FMN1: variants seen among roughly 807,000 people sequenced by gnomAD.
FMN1 encodes the protein formin-1.
A neutral mutation model predicts 132.4 loss-of-function variants in FMN1; 110 were observed. The ratio of observed to expected loss-of-function variants is 0.83; its 90% CI spans 0.71 to 0.97. FMN1 has a LOEUF of 0.97. Ranked by LOEUF, FMN1 falls within the 50% of genes least tolerant of loss-of-function variation. The pLI is 0.00. For synonymous variants in FMN1, 722 were observed against 651.7 expected (o/e 1.11, Z -1.64); for missense variants, 1,792 against 1,705.3 (o/e 1.05, Z -0.90).
chr15:33,006,161 A>G (rs866724219), intron 7 of FMN1, among the ~76,000 whole-genome samples: 30 of 152,222 alleles, frequency 2.0e-4, no homozygotes, highest in African/African-American at 6.8e-4. Context: ...TAAGGGGTTA[A>G]TATACAAAAA....
chr15:33,054,077 G>T (rs1217096348), intron 6 of FMN1, among the ~76,000 whole-genome samples: 1 of 152,098 alleles, frequency 6.6e-6, no homozygotes. Context: ...ACCTTCCGGT[G>T]TCCAACCCCC....
chr15:32,931,332 T>C (rs8033449), intron 9 of FMN1, among the ~76,000 whole-genome samples: 3,799 of 152,328 alleles, frequency 0.025, 67 homozygotes, highest in Non-Finnish European at 0.034. Flanking sequence ...ACATGAGATG[T>C]CTTTACAGTT....
intron 10 of FMN1, among the ~76,000 whole-genome samples, chr15:32,912,988 T>C (rs934902128): frequency 2.0e-5 from 3 of 152,232 alleles, no homozygotes; most frequent in African/African-American, 7.2e-5. Context: ...GTTTTAATGC[T>C]TGTTAATGCC....
chr15:33,051,210 C>T (rs1256956146), intron 6 of FMN1, among the ~76,000 whole-genome samples: 1 of 152,128 alleles, frequency 6.6e-6, no homozygotes, highest in African/African-American at 2.4e-5. Context: ...GGATTTTTTA[C>T]ACTGCTTCCT....
At chr15:32,921,726 G>A (rs925049541) in intron 10 of FMN1, among the ~76,000 whole-genome samples, 1 of 149,308 alleles carries the variant, frequency 6.7e-6, no homozygotes. Context: ...GCCCAGGCTG[G>A]AGTACAGTGG....
At chr15:32,834,817 C>A (rs2058585485) in intron 17 of FMN1, among the ~76,000 whole-genome samples, 1 of 152,192 alleles carries the variant, frequency 6.6e-6, no homozygotes, top group African/African-American at 2.4e-5. Context: ...AGGGGAGAAG[C>A]CCTAGTTCCC....
In FMN1 at chr15:32,774,257, T is replaced by C; in HGVS notation, c.*53A>G. On this transcript the variant is annotated 3_prime_UTR_variant, in exon 21 of 21. Coordinates refer to ENST00000616417, the MANE Select transcript of FMN1 (RefSeq NM_001277313.2). ...CCTGCAACCCTGTGGTCACAAAGAG[T>C]ATGCGTGCAAGGTCCTCCACCTCCA... The C allele has an allele frequency of 7.4e-7, 1 of 1,358,562 alleles. No individual in the cohort carries two copies. The highest frequency in any genetic ancestry group is 1.0e-6 in the Non-Finnish European group (1 of 961,916). The allele number at this position is 1,358,562 out of a possible 1,614,324, so 84.2% of individuals were successfully genotyped here.
chr15:33,081,871 C>G (rs1227041248), intron 5 of FMN1, among the ~76,000 whole-genome samples: 1 of 152,122 alleles, frequency 6.6e-6, no homozygotes, highest in Non-Finnish European at 1.5e-5. Flanking sequence ...GTAATTACAT[C>G]CAGGTTCATA....
intron 8 of FMN1, among the ~76,000 whole-genome samples, chr15:32,964,741 A>G (rs2140612037): frequency 6.6e-6 from 1 of 152,352 alleles, no homozygotes; most frequent in South Asian, 2.1e-4. Context: ...TTTTAAATAC[A>G]GTTTTTAGGA....
intron 6 of FMN1, among the ~76,000 whole-genome samples, chr15:33,023,413 T>C (rs1320295938): frequency 6.6e-6 from 1 of 152,146 alleles, no homozygotes. Flanking sequence ...TATGAAAATA[T>C]TTTAGTAATG....
In FMN1 at chr15:32,963,445, T is replaced by C. The variant is rs368512414; in HGVS notation, c.3138+662A>G. Among the ~76,000 whole-genome samples the C allele has an allele frequency of 2.6e-5, 4 of 151,930 alleles. 1 individual carries two copies. The East Asian group carries it at 5.8e-4, about 22-fold the overall frequency. ...CACCAGCATGGCACATGTATACATA[T>C]GTAACTAACCTGCACATTGTGCACA... On this transcript the variant is annotated intron_variant, in intron 9 of 20. Coordinates refer to ENST00000616417, the MANE Select transcript of FMN1 (RefSeq NM_001277313.2).
At chr15:32,986,168 T>C (rs975654798) in intron 7 of FMN1, among the ~76,000 whole-genome samples, 5 of 152,138 alleles carry the variant, frequency 3.3e-5, no homozygotes, top group Non-Finnish European at 7.4e-5. Flanking sequence ...TATCCAGTTA[T>C]GGATCTATCC....
chr15:32,804,999 G>A (rs2141010673), intron 17 of FMN1, among the ~76,000 whole-genome samples: 1 of 152,294 alleles, frequency 6.6e-6, no homozygotes, highest in East Asian at 1.9e-4. Context: ...ATAGTAGCAT[G>A]ATTTATAATC....
At chr15:32,962,701 T>C (rs2030717505) in intron 9 of FMN1, among the ~76,000 whole-genome samples, 3 of 148,544 alleles carry the variant, frequency 2.0e-5, no homozygotes, top group Admixed American at 2.0e-4. Flanking sequence ...CAGACACTTC[T>C]CAAAAGAAGA....
At chr15:33,120,355 A>T (rs998089603) in intron 4 of FMN1, among the ~76,000 whole-genome samples, 3 of 152,104 alleles carry the variant, frequency 2.0e-5, no homozygotes, top group Non-Finnish European at 4.4e-5. Context: ...GGCCATCATC[A>T]TCTTCCAGGT....
rs765387400 is a variant in FMN1, at chr15:32,898,852, G to A, written c.3696C>T (p.Tyr1232=). Residue 1232 remains tyrosine (Y), a synonymous_variant, in exon 15 of 21, where the codon TAC becomes TAT. Transcript: ENST00000616417. ...TTCTTACCTGATCATAGTAACGCAGGTAATACTTAACAACGTAGTCCACCA... is the reference window on the plus strand; with the variant it reads ...TTCTTACCTGATCATAGTAACGCAGATAATACTTAACAACGTAGTCCACCA... ...INLVDYVVKY[Y]LRYYDQEAGT... 3.1e-6 allele frequency: 5 copies of A among 1,601,166 alleles called. No homozygotes were observed. The highest frequency in any genetic ancestry group is 4.3e-6 in the Non-Finnish European group (5 of 1,169,490).
intron 16 of FMN1, among the ~76,000 whole-genome samples, chr15:32,872,265 T>C (rs1207200635): frequency 2.6e-5 from 4 of 152,194 alleles, no homozygotes; most frequent in African/African-American, 7.2e-5. Context: ...GGACATACGA[T>C]TGCAATTCAA....
intron 9 of FMN1, among the ~76,000 whole-genome samples, chr15:32,960,668 A>G (rs2030408814): frequency 6.6e-6 from 1 of 152,098 alleles, no homozygotes; most frequent in Non-Finnish European, 1.5e-5. Flanking sequence ...TTACTTGAGA[A>G]ATGAACTGAT....
chr15:33,066,481 TG>T (rs762682882), intron 5 of FMN1: 8 of 1,455,138 alleles, frequency 5.5e-6, no homozygotes, highest in Middle Eastern at 1.8e-4. Context: ...CCATATTTTA[TG>T]TTAAAATGCA....
Sources: allele counts gnomAD v4.1 joint callset (sites outside exome capture counted in the v4.1 genomes callset), GRCh38; gene constraint gnomAD v4.1.1; transcripts MANE v1.5; gene names NCBI Gene and HGNC (gene_info 2026-07-23, HGNC 2026-07-21).